DNAJC16: variants seen among roughly 807,000 people sequenced by gnomAD.
DNAJC16 encodes the protein dnaJ homolog subfamily C member 16.
In DNAJC16, 76 loss-of-function variants were observed where a neutral mutation model predicts 92.7. That is an observed-to-expected ratio of 0.82 (90% confidence interval 0.68 to 0.99). DNAJC16 has a LOEUF of 0.99. Ranked by LOEUF, DNAJC16 falls within the 50% of genes least tolerant of loss-of-function variation. The pLI, the probability that DNAJC16 is intolerant of heterozygous loss-of-function variation, is 0.00. For synonymous variants in DNAJC16, 328 were observed against 358.7 expected (o/e 0.91, Z 0.97); for missense variants, 869 against 942.4 (o/e 0.92, Z 1.02).
At chr1:15,539,697 A>G (rs551979414) in intron 4 of DNAJC16, among the ~76,000 whole-genome samples, 5 of 149,816 alleles carry the variant, frequency 3.3e-5, no homozygotes, top group Non-Finnish European at 7.4e-5. Context: ...GGTGCCTGCC[A>G]TTGTACCTGT....
intron 4 of DNAJC16, among the ~76,000 whole-genome samples, chr1:15,543,494 A>C (rs899991579): frequency 1.3e-5 from 2 of 152,206 alleles, no homozygotes; most frequent in African/African-American, 4.8e-5. Flanking sequence ...GGGGCCAAAC[A>C]CAAAGGGTCT....
chr1:15,529,065 CAT>C (rs1317480431), intron 1 of DNAJC16, 21 bp from the exon 2 acceptor site: 4 of 1,605,322 alleles, frequency 2.5e-6, no homozygotes, highest in Non-Finnish European at 3.4e-6. Context: ...CACTGAAACT[CAT>C]TGCCTCTTCA....
intron 3 of DNAJC16, among the ~76,000 whole-genome samples, 186 bp from the exon 4 acceptor site, chr1:15,536,289 A>G (rs1165046190): frequency 6.6e-6 from 1 of 151,978 alleles, no homozygotes; most frequent in African/African-American, 2.4e-5. Flanking sequence ...CATGTTGGTC[A>G]GGCTGATCTC....
chr1:15,560,634 C>G (rs1246725291), intron 8 of DNAJC16, among the ~76,000 whole-genome samples: 4 of 152,088 alleles, frequency 2.6e-5, no homozygotes, highest in Non-Finnish European at 5.9e-5. Flanking sequence ...CATAATTTCC[C>G]TGTGTGTCTA....
At chr1:15,553,683 A>G (rs1638500130) in intron 7 of DNAJC16, among the ~76,000 whole-genome samples, 1 of 152,176 alleles carries the variant, frequency 6.6e-6, no homozygotes. Context: ...TCAAGAAACA[A>G]AATATTGTCA....
intron 6 of DNAJC16, among the ~76,000 whole-genome samples, chr1:15,547,624 T>C (rs1300858452): frequency 6.6e-6 from 1 of 151,816 alleles, no homozygotes; most frequent in Non-Finnish European, 1.5e-5. Flanking sequence ...TGTGTTTTAG[T>C]GGAGATGGGG....
At chr1:15,564,437 C>A in intron 11 of DNAJC16, 78 bp downstream of exon 11, 1 of 978,090 alleles carries the variant, frequency 1.0e-6, no homozygotes, top group Non-Finnish European at 1.7e-6. Context: ...AAGAGTTCAT[C>A]ATTATTAAAT....
Position 15,565,920 on chromosome 1 carries a change from A to C in DNAJC16, c.1600A>C (p.Arg534=), listed in dbSNP as rs2236215. Residue 534 remains arginine (R), a splice_region_variant and synonymous_variant, in exon 12 of 15, where the codon AGG becomes CGG. Coordinates refer to ENST00000375847, the MANE Select transcript of DNAJC16 (RefSeq NM_015291.4). The stretch of plus-strand genomic sequence containing the variant: ...AATAGTTTGTTAATTTGGTTTTAGG[A>C]GGGAAATGATGCCCCTGCTGTCCCT... ...CWDSIFHNNW[R]EMMPLLSLIF... 413,164 of 1,612,318 alleles carry C rather than the reference A, an allele frequency of 0.26. 58,765 individuals carry two copies. The highest frequency in any genetic ancestry group is 0.59 in the African/African-American group (43,826 of 74,702).
At chr1:15,560,913 A>G (rs942213963) in intron 8 of DNAJC16, among the ~76,000 whole-genome samples, 3 of 151,816 alleles carry the variant, frequency 2.0e-5, no homozygotes, top group African/African-American at 4.8e-5. Flanking sequence ...GTCAGCCAAT[A>G]ATGTTTGAAA....
chr1:15,527,350 C>T (rs1357933956), intron 1 of DNAJC16, among the ~76,000 whole-genome samples: 2 of 152,298 alleles, frequency 1.3e-5, no homozygotes. Flanking sequence ...CTGGAAGGAA[C>T]TGACATGGTT....
intron 6 of DNAJC16, 126 bp from the exon 7 acceptor site, chr1:15,548,144 G>GCTGGCTAT: frequency 1.3e-6 from 1 of 792,950 alleles, no homozygotes; most frequent in East Asian, 2.7e-5. Context: ...GGATACGGAA[G>GCTGGCTAT]ACCTAGTGGA....
intron 6 of DNAJC16, among the ~76,000 whole-genome samples, chr1:15,547,431 C>A (rs1327946905): frequency 6.6e-6 from 1 of 150,468 alleles, no homozygotes; most frequent in East Asian, 1.9e-4. Flanking sequence ...CAGGCATGAG[C>A]CACTGTGATG....
chr1:15,528,964 A>G, intron 1 of DNAJC16, 124 bp from the exon 2 acceptor site: 1 of 777,154 alleles, frequency 1.3e-6, no homozygotes, highest in Non-Finnish European at 2.0e-6. Context: ...ACAGCTTGAC[A>G]CTTTTCCTGC....
At chr1:15,566,388 G>C in intron 13 of DNAJC16, 1 of 553,184 alleles carries the variant, frequency 1.8e-6, no homozygotes, top group South Asian at 2.3e-5. Flanking sequence ...CATAATGAAG[G>C]CAGAAGGAAA....
In DNAJC16 at chr1:15,566,298, A is replaced by G. The variant is rs1282226210; in HGVS notation, c.1778+118A>G. 2.4e-5 allele frequency: 19 copies of G among 807,050 alleles called. No homozygotes were observed. The East Asian group carries it at 3.5e-4, about 15-fold the overall frequency. The allele number at this position is 807,050 out of a possible 1,614,324, so 50.0% of individuals were successfully genotyped here. On this transcript the variant is annotated intron_variant, in intron 13 of 14. Coordinates refer to ENST00000375847, the MANE Select transcript of DNAJC16 (RefSeq NM_015291.4). ...GAAGAACTCTCATGCACCTCCTCCC[A>G]TGTAAACTGTGGCTACAGGGAAAAG...
Position 15,540,632 on chromosome 1 carries a change from G to A in DNAJC16, c.575-3767G>A, listed in dbSNP as rs554464161. On this transcript the variant is annotated intron_variant, in intron 4 of 14. Coordinates refer to ENST00000375847, the MANE Select transcript of DNAJC16 (RefSeq NM_015291.4). ...ATTGGTCTTAAACTCCAGGAGATACGAAAGAGATGGTGAAGGCTGGTCTTA... is the reference window on the plus strand; with the variant it reads ...ATTGGTCTTAAACTCCAGGAGATACAAAAGAGATGGTGAAGGCTGGTCTTA... 3.3e-5 allele frequency among the ~76,000 whole-genome samples: 5 copies of A among 152,158 alleles called. No homozygotes were observed. In the East Asian group the frequency reaches 5.8e-4, roughly 18 times the overall value.
intron 7 of DNAJC16, among the ~76,000 whole-genome samples, chr1:15,551,922 C>A (rs1159548085): frequency 6.6e-6 from 1 of 150,806 alleles, no homozygotes; most frequent in East Asian, 2.0e-4. Context: ...TCCCAGCTAC[C>A]CGGGAGGCTG....
chr1:15,568,311 G>A lies in DNAJC16; in HGVS notation c.*134G>A. The stretch of plus-strand genomic sequence containing the variant: ...TGCTCTTCTAGAACCATGGCTAGAA[G>A]AATCTTTCCTTTGTCCTGTTCTAAC... On this transcript the variant is annotated 3_prime_UTR_variant, in exon 15 of 15. Transcript: ENST00000375847. The A allele has an allele frequency of 1.3e-6, 1 of 764,542 alleles. No homozygotes were observed. Among genetic ancestry groups the A allele is most frequent in the Non-Finnish European group, 2.1e-6 (1 of 479,614 alleles). 47.4% of individuals were successfully genotyped at this position (764,542 alleles called of 1,614,324 possible).
intron 3 of DNAJC16, among the ~76,000 whole-genome samples, chr1:15,534,833 G>A (rs1710743352): frequency 6.6e-6 from 1 of 152,174 alleles, no homozygotes; most frequent in Admixed American, 6.5e-5. Context: ...AACTAGAATT[G>A]TAGAATTACC....
Sources: allele counts gnomAD v4.1 joint callset (sites outside exome capture counted in the v4.1 genomes callset), GRCh38; gene constraint gnomAD v4.1.1; transcripts MANE v1.5; gene names NCBI Gene and HGNC (gene_info 2026-07-23, HGNC 2026-07-21).